Variants in TGFBRAP1 observed in about 807,000 individuals in gnomAD.
The protein encoded by TGFBRAP1 is transforming growth factor-beta receptor-associated protein 1.
Under a neutral mutation model 83.2 loss-of-function variants are expected in TGFBRAP1, and 20 were observed. The ratio of observed to expected loss-of-function variants is 0.24; its 90% CI spans 0.17 to 0.35. The LOEUF (loss-of-function observed/expected upper bound fraction) is 0.35. Ranked by LOEUF, TGFBRAP1 falls within the 10% of genes least tolerant of loss-of-function variation. The probability of loss-of-function intolerance (pLI) is 1.00; values close to 1 mark genes in which losing one functional copy is unlikely to be tolerated. For synonymous variants in TGFBRAP1, 415 were observed against 459.8 expected (o/e 0.90, Z 1.25); for missense variants, 950 against 1,099.4 (o/e 0.86, Z 1.92).
intron 4 of TGFBRAP1, among the ~76,000 whole-genome samples, chr2:105,287,979 T>G (rs1171027182): frequency 6.6e-6 from 1 of 152,034 alleles, no homozygotes; most frequent in East Asian, 1.9e-4. Context: ...GGGCCTCAGG[T>G]GGCTACACCA....
chr2:105,297,132 G>A (rs764115967), intron 3 of TGFBRAP1, among the ~76,000 whole-genome samples: 8 of 152,104 alleles, frequency 5.3e-5, no homozygotes, highest in Non-Finnish European at 1.2e-4. Flanking sequence ...AGTCAGAACT[G>A]CAGTCCAAGA....
At position 105,307,599 on chromosome 2, in the gene TGFBRAP1, AT is replaced by A. The variant is rs1242919209; in HGVS notation, c.688+14del. On this transcript the variant is annotated intron_variant, in intron 2 of 11. Transcript: ENST00000393359. The stretch of plus-strand genomic sequence containing the variant: ...CCACCCAAAAAGATCAGGCGCACAA[AT>A]GCATCCTCCTCACCCAGCCCTCCGG... The A allele has an allele frequency of 2.5e-6, 4 of 1,590,782 alleles. No homozygotes were observed. Among genetic ancestry groups the A allele is most frequent in the Non-Finnish European group, 3.4e-6 (4 of 1,170,498 alleles).
rs537292976 is a variant in TGFBRAP1 at position 105,271,019 on chromosome 2, G to A, written c.1973-1314C>T. On this transcript the variant is annotated intron_variant, in intron 10 of 11. Coordinates refer to ENST00000393359, the MANE Select transcript of TGFBRAP1 (RefSeq NM_004257.6). ...TCCAGTGCTCCTCCCACAGTGCTGCGGGGGATACCCCCATTGCCTGAAAGC... is the reference window on the plus strand; with the variant it reads ...TCCAGTGCTCCTCCCACAGTGCTGCAGGGGATACCCCCATTGCCTGAAAGC... Among the ~76,000 whole-genome samples, 68 of 152,304 alleles carry A rather than the reference G, an allele frequency of 4.5e-4. 2 individuals carry two copies. The South Asian group carries it at 0.014, about 31-fold the overall frequency.
chr2:105,315,236 G>A lies in TGFBRAP1; in HGVS notation c.-17-6918C>T, dbSNP rs76691030. ...AATTTTATTGTTAGACATTAAGGAAGACCCAAATTGTCATCTTAGAAGGCT... is the reference window on the plus strand; with the variant it reads ...AATTTTATTGTTAGACATTAAGGAAAACCCAAATTGTCATCTTAGAAGGCT... On this transcript the variant is annotated intron_variant, in intron 1 of 11. Coordinates refer to ENST00000393359, the MANE Select transcript of TGFBRAP1 (RefSeq NM_004257.6). Among the ~76,000 whole-genome samples, 349 of 152,230 alleles carry A rather than the reference G, an allele frequency of 2.3e-3. 4 individuals are homozygous for A. The East Asian group carries it at 0.023, about 10-fold the overall frequency.
chr2:105,302,117 A>G (rs2104383688), intron 2 of TGFBRAP1, among the ~76,000 whole-genome samples: 1 of 152,278 alleles, frequency 6.6e-6, no homozygotes. Flanking sequence ...CACATAAACA[A>G]GAGAAATGGA....
chr2:105,282,507 T>C (rs745450576), intron 5 of TGFBRAP1, among the ~76,000 whole-genome samples: 3 of 152,224 alleles, frequency 2.0e-5, no homozygotes, highest in Non-Finnish European at 4.4e-5. Flanking sequence ...GAATCATCTT[T>C]GTCTTAGAAG....
Position 105,280,649 on chromosome 2 carries a change from C to T in TGFBRAP1, c.1196G>A (p.Arg399Gln), listed in dbSNP as rs895448764. ...GTACTCATGAAGAGGAGGGTGGGAC[C>T]GGGTGAAGGAGGAGGAGGTGGGCAA... ...FLLPTSSSFT[R>Q]SHPPLHEYAD... Residue 399 changes from arginine to glutamine, a missense_variant, in exon 6 of 12, where the codon CGG (arginine) becomes CAG (glutamine). Coordinates refer to ENST00000393359, the MANE Select transcript of TGFBRAP1 (RefSeq NM_004257.6). 22 of 1,613,866 alleles carry T rather than the reference C, an allele frequency of 1.4e-5. No individual in the cohort carries two copies. Among genetic ancestry groups the T allele is most frequent in the Admixed American group, 3.3e-5 (2 of 59,976 alleles).
chr2:105,298,404 G>T, intron 3 of TGFBRAP1, 107 bp downstream of exon 3: 1 of 1,226,308 alleles, frequency 8.2e-7, no homozygotes, highest in Non-Finnish European at 1.1e-6. Flanking sequence ...AGTCATCTGT[G>T]TATCTTTTAT....
chr2:105,282,088 T>A (rs1677556620), intron 5 of TGFBRAP1, among the ~76,000 whole-genome samples: 2 of 152,142 alleles, frequency 1.3e-5, no homozygotes, highest in South Asian at 4.2e-4. Flanking sequence ...CAGGGAAGAT[T>A]CCTCCACTGG....
chr2:105,253,169 G>A, the TGFBRAP1 span, among the ~76,000 whole-genome samples: 37,803 of 151,964 alleles, frequency 0.25, 5,616 homozygotes, highest in South Asian at 0.43. Flanking sequence ...GACTAGCTCT[G>A]TTGCCCTGGC....
intron 5 of TGFBRAP1, among the ~76,000 whole-genome samples, chr2:105,282,568 T>G (rs1573174324): frequency 6.6e-6 from 1 of 152,296 alleles, no homozygotes; most frequent in East Asian, 1.9e-4. Context: ...CTCATGGCTG[T>G]GATCTCACCA....
Position 105,273,704 on chromosome 2 carries a change from G to A in TGFBRAP1, c.1666-14C>T, listed in dbSNP as rs774373095. ...CTGAACTCCGACCTGAAAGAGGAGC[G>A]ACAATACAGTGACTGTGCTTCCCAA... On this transcript the variant is annotated splice_polypyrimidine_tract_variant and intron_variant, in intron 8 of 11. Transcript: ENST00000393359. 44 of 1,612,956 alleles carry A rather than the reference G, an allele frequency of 2.7e-5. No individual in the cohort carries two copies. The East Asian group carries it at 5.1e-4, about 19-fold the overall frequency.
At position 105,283,704 on chromosome 2, in the gene TGFBRAP1, G is replaced by A. The variant is rs114422406; in HGVS notation, c.1121+612C>T. 9.4e-3 allele frequency among the ~76,000 whole-genome samples: 1,436 copies of A among 152,352 alleles called. 14 individuals are homozygous for A. The highest frequency in any genetic ancestry group is 0.027 in the East Asian group (142 of 5,168). On this transcript the variant is annotated intron_variant, in intron 5 of 11. Transcript: ENST00000393359. ...GCTGGAGGTGGCATGACAGCAAGGC[G>A]TGCCTGTAAGGCAGGTGTGGCGGGC...
chr2:105,301,104 C>G (rs1573198693), intron 2 of TGFBRAP1, among the ~76,000 whole-genome samples: 1 of 151,930 alleles, frequency 6.6e-6, no homozygotes, highest in Non-Finnish European at 1.5e-5. Flanking sequence ...GGTACTATTC[C>G]CCAGCTACTA....
chr2:105,294,528 C>T (rs752639401), intron 4 of TGFBRAP1, among the ~76,000 whole-genome samples: 2 of 152,072 alleles, frequency 1.3e-5, no homozygotes, highest in Non-Finnish European at 2.9e-5. Context: ...AAAACGTGGG[C>T]AAAAGTGAGC....
intron 4 of TGFBRAP1, among the ~76,000 whole-genome samples, chr2:105,284,933 A>G (rs1386178156): frequency 6.6e-6 from 1 of 152,186 alleles, no homozygotes; most frequent in African/African-American, 2.4e-5. Flanking sequence ...TAAAGGGGCC[A>G]GTTTATCTTG....
At chr2:105,295,551 G>A (rs889376992) in intron 4 of TGFBRAP1, among the ~76,000 whole-genome samples, 2 of 152,082 alleles carry the variant, frequency 1.3e-5, no homozygotes, top group Non-Finnish European at 2.9e-5. Context: ...GGTGGCTCAC[G>A]CCTGTAATCT....
chr2:105,280,493 G>A lies in TGFBRAP1; in HGVS notation c.1352C>T (p.Ala451Val). The change falls in exon 6 of 12, where the codon GCC (alanine) becomes GTC (valine). Residue 451 changes from alanine to valine, a missense_variant. Physicochemically the swap from Ala to Val is moderately conservative, Grantham distance 64 (BLOSUM62 0). Transcript: ENST00000393359. ...AGCCTCTGCATACAGTTTGAGCAAG[G>A]CTGTGTCGATGTCCTCCTTGTAGCC... ...ANGYKEDIDT[A>V]LLKLYAEADH... 6.2e-7 allele frequency: 1 copy of A among 1,614,192 alleles called. No homozygotes were observed. The highest frequency in any genetic ancestry group is 8.5e-7 in the Non-Finnish European group (1 of 1,180,028).
At chr2:105,300,220 T>C (rs1049685610) in intron 2 of TGFBRAP1, among the ~76,000 whole-genome samples, 2 of 152,118 alleles carry the variant, frequency 1.3e-5, no homozygotes, top group East Asian at 1.9e-4. Flanking sequence ...ATGCTGAAGA[T>C]AGAATCTGTA....
Sources: gnomAD v4.1 joint callset for allele counts (sites outside exome capture counted in the v4.1 genomes callset) on GRCh38, gnomAD v4.1.1 for gene constraint, MANE v1.5 for transcripts, NCBI Gene and HGNC (gene_info 2026-07-23, HGNC 2026-07-21) for gene names.